The following PIWIL4 variants were observed in gnomAD, a reference collection of about 807,000 sequenced individuals.
PIWIL4 encodes the protein piwi-like protein 4.
In PIWIL4, 50 loss-of-function variants were observed where a neutral mutation model predicts 100.9. The observed-to-expected ratio is 0.50, with a 90% confidence interval of 0.39 to 0.63. The LOEUF is 0.63. Among genes scored for constraint, PIWIL4 ranks in the 20% least tolerant of loss-of-function variants. The probability of loss-of-function intolerance (pLI) is 0.00; values close to 1 mark genes in which losing one functional copy is unlikely to be tolerated. For synonymous variants in PIWIL4, 342 were observed against 367.5 expected (o/e 0.93, Z 0.79); for missense variants, 887 against 1,043.3 (o/e 0.85, Z 2.06).
intron 11 of PIWIL4, 114 bp downstream of exon 11, chr11:94,598,029 C>T: frequency 1.4e-6 from 1 of 731,972 alleles, no homozygotes; most frequent in Non-Finnish European, 2.3e-6. Flanking sequence ...CCATGTACTT[C>T]CATCTCTTTA....
intron 11 of PIWIL4, among the ~76,000 whole-genome samples, chr11:94,599,544 C>T (rs1018739423): frequency 3.3e-5 from 5 of 152,186 alleles, no homozygotes; most frequent in Admixed American, 3.3e-4. Context: ...TCTCCTCATG[C>T]CCTAATGGAC....
At chr11:94,620,767 G>A (rs77644062) in intron 19 of PIWIL4, 109 bp from the exon 20 acceptor site, 19,007 of 756,964 alleles carry the variant, frequency 0.025, 289 homozygotes, top group Non-Finnish European at 0.033. Flanking sequence ...TGTTTACCCA[G>A]AAGCCCATTC....
In PIWIL4 at chr11:94,587,250, A is replaced by G. The variant is rs1267059949; in HGVS notation, c.914+3A>G. On this transcript the variant is annotated splice_donor_region_variant and intron_variant, in intron 7 of 19. Coordinates refer to ENST00000299001, the MANE Select transcript of PIWIL4 (RefSeq NM_152431.3). ...ATAGGGCTCATTGTCCTTACAAGGT[A>G]CAAGCCTGCGTCTAAATAAACTTTT... The G allele has an allele frequency of 1.2e-6, 2 of 1,609,258 alleles. No individual in the cohort carries two copies. The highest frequency in any genetic ancestry group is 1.1e-5 in the South Asian group (1 of 90,182).
intron 2 of PIWIL4, among the ~76,000 whole-genome samples, chr11:94,573,423 G>T (rs1948188156): frequency 1.3e-5 from 2 of 152,154 alleles, no homozygotes; most frequent in African/African-American, 4.8e-5. Context: ...TTGGCTGTGG[G>T]TTTGTCATAG....
At chr11:94,591,121 C>G (rs533280827) in intron 8 of PIWIL4, among the ~76,000 whole-genome samples, 1 of 152,326 alleles carries the variant, frequency 6.6e-6, no homozygotes, top group South Asian at 2.1e-4. Context: ...AGACCATGCT[C>G]CTCCTTTTCT....
At chr11:94,608,452 A>G (rs370820037) in intron 14 of PIWIL4, 131 bp from the exon 15 acceptor site, 2 of 692,158 alleles carry the variant, frequency 2.9e-6, no homozygotes, top group Non-Finnish European at 4.9e-6. Flanking sequence ...ACGGATCTCA[A>G]TCTCCCTTAC....
At chr11:94,619,714 T>C (rs1247438085) in intron 17 of PIWIL4, 46 bp from the exon 18 acceptor site, 2 of 1,570,132 alleles carry the variant, frequency 1.3e-6, no homozygotes, top group East Asian at 4.5e-5. Context: ...GAAAGCTATA[T>C]AGATTGGATT....
chr11:94,587,056 C>G lies in PIWIL4; in HGVS notation c.723C>G (p.Ser241=). 6.2e-7 allele frequency: 1 copy of G among 1,607,932 alleles called. No individual in the cohort carries two copies. The highest frequency in any genetic ancestry group is 1.1e-5 in the South Asian group (1 of 90,776). ...TTCTTTTTTGTTTTTAAAGATTATC[C>G]CTTTGGCCTGGGTTTGCCATTTCTG... ...EPMEIPQHKL[S]LWPGFAISVS... The change falls in exon 7 of 20, where the codon TCC becomes TCG. Residue 241 remains serine, a synonymous_variant. Coordinates refer to ENST00000299001, the MANE Select transcript of PIWIL4 (RefSeq NM_152431.3).
At chr11:94,613,021 A>G (rs1252312633) in intron 15 of PIWIL4, among the ~76,000 whole-genome samples, 1 of 152,180 alleles carries the variant, frequency 6.6e-6, no homozygotes, top group Non-Finnish European at 1.5e-5. Context: ...GTATTAGAGT[A>G]TTTTGAATTT....
chr11:94,616,392 A>G (rs1948846912), intron 15 of PIWIL4, 101 bp from the exon 16 acceptor site: 6 of 1,076,400 alleles, frequency 5.6e-6, no homozygotes, highest in Non-Finnish European at 8.0e-6. Flanking sequence ...GCGAACATTG[A>G]TTTTTACTCA....
intron 4 of PIWIL4, among the ~76,000 whole-genome samples, chr11:94,580,677 A>G (rs946065118): frequency 5.9e-5 from 9 of 152,224 alleles, no homozygotes; most frequent in African/African-American, 2.2e-4. Flanking sequence ...GTAGAATGAA[A>G]TAAGTGTCAT....
chr11:94,620,208 T>A, intron 19 of PIWIL4, 64 bp downstream of exon 19: 3 of 1,472,320 alleles, frequency 2.0e-6, no homozygotes, highest in Non-Finnish European at 2.7e-6. Flanking sequence ...GGAATTATCA[T>A]ACACGTCATC....
intron 16 of PIWIL4, among the ~76,000 whole-genome samples, chr11:94,617,205 T>TAA (rs61592046): frequency 7.4e-6 from 1 of 134,910 alleles, no homozygotes; most frequent in African/African-American, 3.3e-5. Context: ...GTAATGGACT[T>TAA]ATATATATGA....
At chr11:94,595,174 T>C in intron 9 of PIWIL4, 135 bp from the exon 10 acceptor site, 1 of 640,004 alleles carries the variant, frequency 1.6e-6, no homozygotes, top group Non-Finnish European at 2.7e-6. Context: ...TAAAATGACA[T>C]ACGTGGTTTT....
intron 2 of PIWIL4, among the ~76,000 whole-genome samples, chr11:94,573,345 G>C: frequency 6.6e-6 from 1 of 152,182 alleles, no homozygotes; most frequent in Admixed American, 6.5e-5. Context: ...AGTGGTGAGA[G>C]AGGGCATCCC....
intron 17 of PIWIL4, among the ~76,000 whole-genome samples, chr11:94,618,315 C>T (rs1484614452): frequency 2.0e-5 from 3 of 152,088 alleles, no homozygotes; most frequent in Admixed American, 2.0e-4. Flanking sequence ...GTGGTATAAG[C>T]TTTGGGGGCC....
chr11:94,604,161 G>T, intron 13 of PIWIL4, 105 bp downstream of exon 13: 2 of 580,942 alleles, frequency 3.4e-6, no homozygotes, highest in Non-Finnish European at 5.8e-6. Context: ...AAATTGCCAT[G>T]CATTTCTCCA....
At chr11:94,606,467 T>C (rs999770749) in intron 13 of PIWIL4, among the ~76,000 whole-genome samples, 1 of 152,186 alleles carries the variant, frequency 6.6e-6, no homozygotes, top group Non-Finnish European at 1.5e-5. Context: ...TTGGGGGCTT[T>C]TGAAAGTGGA....
chr11:94,593,616 G>A lies in PIWIL4; in HGVS notation c.1125G>A (p.Leu375=). The A allele has an allele frequency of 1.2e-6, 2 of 1,613,972 alleles. No homozygotes were observed. The highest frequency in any genetic ancestry group is 1.7e-6 in the Non-Finnish European group (2 of 1,179,914). ...NDNSEAQLAH[L]IPELCFLTGL... Reference sequence around the variant, plus strand: ...ACAGTGAGGCTCAGCTCGCCCACCTGATACCTGAGCTCTGCTTTCTAACAG... The same window carrying A: ...ACAGTGAGGCTCAGCTCGCCCACCTAATACCTGAGCTCTGCTTTCTAACAG... The change falls in exon 9 of 20, where the codon CTG becomes CTA. Residue 375 remains leucine (L), a synonymous_variant. Coordinates refer to ENST00000299001, the MANE Select transcript of PIWIL4 (RefSeq NM_152431.3).
Sources: allele counts gnomAD v4.1 joint callset (sites outside exome capture counted in the v4.1 genomes callset), GRCh38; gene constraint gnomAD v4.1.1; transcripts MANE v1.5; gene names NCBI Gene and HGNC (gene_info 2026-07-23, HGNC 2026-07-21).